The following CCSER1 variants were observed in gnomAD, a reference collection of about 807,000 sequenced individuals.
CCSER1 encodes the protein serine-rich coiled-coil domain-containing protein 1.
In CCSER1, 41 loss-of-function variants were observed where a neutral mutation model predicts 82.0. The ratio of observed to expected loss-of-function variants is 0.50; its 90% CI spans 0.39 to 0.65. The LOEUF (loss-of-function observed/expected upper bound fraction) is 0.65, where lower values mean the gene tolerates loss of function less well. Among genes scored for constraint, CCSER1 ranks in the 30% least tolerant of loss-of-function variants. The probability of loss-of-function intolerance (pLI) is 0.00; values close to 1 mark genes in which losing one functional copy is unlikely to be tolerated. For missense variants in CCSER1, 1,119 were observed against 1,064.2 expected (o/e 1.05, Z -0.72); for synonymous variants, 414 against 383.9 (o/e 1.08, Z -0.92).
intron 10 of CCSER1, among the ~76,000 whole-genome samples, chr4:91,278,500 G>C (rs2149197769): frequency 6.6e-6 from 1 of 152,084 alleles, no homozygotes; most frequent in Middle Eastern, 3.4e-3. Context: ...TGATCATTTT[G>C]GTTTCTGTTT....
At chr4:90,725,231 G>A (rs142421461) in intron 7 of CCSER1, among the ~76,000 whole-genome samples, 10 of 151,622 alleles carry the variant, frequency 6.6e-5, no homozygotes, top group Admixed American at 3.3e-4. Flanking sequence ...TCAAAACTTC[G>A]CCAGAAACCA....
intron 10 of CCSER1, among the ~76,000 whole-genome samples, chr4:91,136,202 A>G (rs1363995359): frequency 3.3e-5 from 5 of 152,156 alleles, no homozygotes; most frequent in Non-Finnish European, 7.3e-5. Context: ...GCTACACCAA[A>G]CATCTTGCAG....
intron 9 of CCSER1, among the ~76,000 whole-genome samples, chr4:90,933,688 AGTT>A (rs1057113740): frequency 3.0e-4 from 30 of 100,874 alleles, no homozygotes; most frequent in Non-Finnish European, 4.9e-4. Flanking sequence ...TACTTTTGGA[AGTT>A]TTTTTTTTTC....
intron 10 of CCSER1, among the ~76,000 whole-genome samples, chr4:91,559,887 G>A (rs532101522): frequency 3.1e-4 from 47 of 151,282 alleles, no homozygotes; most frequent in African/African-American, 1.1e-3. Context: ...GTTTTGGCCA[G>A]TGGGTGTCAT....
chr4:90,903,869 C>A (rs1725050895), intron 8 of CCSER1, among the ~76,000 whole-genome samples: 1 of 149,636 alleles, frequency 6.7e-6, no homozygotes, highest in Non-Finnish European at 1.5e-5. Context: ...GACAGGTAAA[C>A]ATAGTAACCA....
At chr4:91,551,100 A>G (rs1453411706) in intron 10 of CCSER1, among the ~76,000 whole-genome samples, 1 of 152,102 alleles carries the variant, frequency 6.6e-6, no homozygotes, top group Non-Finnish European at 1.5e-5. Context: ...GATTTTTGTT[A>G]CATTATTTTA....
At chr4:90,376,116 A>C (rs893658485) in intron 3 of CCSER1, among the ~76,000 whole-genome samples, 3 of 152,202 alleles carry the variant, frequency 2.0e-5, no homozygotes, top group African/African-American at 7.2e-5. Flanking sequence ...ATTGACCTTC[A>C]AGTGTTTAAG....
At chr4:90,207,996 C>G (rs947145696) in intron 1 of CCSER1, among the ~76,000 whole-genome samples, 2 of 152,208 alleles carry the variant, frequency 1.3e-5, no homozygotes, top group East Asian at 1.9e-4. Flanking sequence ...CTTTAGGAAG[C>G]AATCTGTCCC....
intron 10 of CCSER1, among the ~76,000 whole-genome samples, chr4:91,289,414 C>T (rs535992862): frequency 3.3e-5 from 5 of 152,044 alleles, no homozygotes; most frequent in African/African-American, 9.6e-5. Context: ...GAACTATTAA[C>T]AAGGGGAATT....
At chr4:91,582,989 T>C (rs1763804790) in intron 10 of CCSER1, among the ~76,000 whole-genome samples, 1 of 151,450 alleles carries the variant, frequency 6.6e-6, no homozygotes, top group Non-Finnish European at 1.5e-5. Flanking sequence ...TGCTCCAGAA[T>C]GACTAATCCC....
chr4:91,006,809 A>G (rs1186254689), intron 9 of CCSER1, among the ~76,000 whole-genome samples: 1 of 152,174 alleles, frequency 6.6e-6, no homozygotes, highest in Admixed American at 6.5e-5. Context: ...AGCTCTAGCT[A>G]TGACTTCCAG....
intron 10 of CCSER1, among the ~76,000 whole-genome samples, chr4:91,189,150 T>C (rs369485276): frequency 6.6e-6 from 1 of 152,252 alleles, no homozygotes; most frequent in East Asian, 1.9e-4. Context: ...ATTTTGGTAA[T>C]TTGCAGGTAA....
chr4:90,575,614 G>A (rs1367242258), intron 5 of CCSER1, among the ~76,000 whole-genome samples: 2 of 152,062 alleles, frequency 1.3e-5, no homozygotes, highest in Non-Finnish European at 2.9e-5. Flanking sequence ...TAAATGTACC[G>A]TCAATGTTAC....
rs147284180 is a variant in CCSER1 at position 91,241,947 on chromosome 4, TACAC to T, written c.2217+155959_2217+155962del. Among the ~76,000 whole-genome samples, 12 of 150,534 alleles carry T rather than the reference TACAC, an allele frequency of 8.0e-5. No homozygotes were observed. In the East Asian group the frequency reaches 1.4e-3, roughly 17 times the overall value. ...TATATATTTTTGTTTCTGCATATAT[TACAC>T]ACACAACTGTGTGCGTATATATATA... On this transcript the variant is annotated intron_variant, in intron 10 of 10. Transcript: ENST00000509176.
chr4:91,431,694 C>T (rs550477847), intron 10 of CCSER1, among the ~76,000 whole-genome samples: 1 of 152,180 alleles, frequency 6.6e-6, no homozygotes, highest in East Asian at 1.9e-4. Context: ...CTCAAACTCC[C>T]GACCTCAGGT....
chr4:90,275,453 A>T (rs1432826393), intron 1 of CCSER1, among the ~76,000 whole-genome samples: 1 of 152,188 alleles, frequency 6.6e-6, no homozygotes, highest in East Asian at 1.9e-4. Context: ...TCGTAAGCCT[A>T]ATTTATAAAA....
At chr4:91,538,187 T>G (rs534058634) in intron 10 of CCSER1, among the ~76,000 whole-genome samples, 1 of 152,172 alleles carries the variant, frequency 6.6e-6, no homozygotes, top group South Asian at 2.1e-4. Context: ...AACATTCGTA[T>G]GTATGAGGAA....
chr4:90,498,937 A>G (rs1331949438), intron 5 of CCSER1, among the ~76,000 whole-genome samples: 1 of 152,154 alleles, frequency 6.6e-6, no homozygotes, highest in Non-Finnish European at 1.5e-5. Context: ...TAAAACGTGA[A>G]CAGACTTTTT....
At chr4:90,708,184 A>G (rs1257308074) in intron 6 of CCSER1, among the ~76,000 whole-genome samples, 3 of 152,140 alleles carry the variant, frequency 2.0e-5, no homozygotes, top group African/African-American at 7.2e-5. Flanking sequence ...TTTCAGTCTC[A>G]CAAGACTATA....
Sources: allele counts gnomAD v4.1 joint callset (sites outside exome capture counted in the v4.1 genomes callset), GRCh38; gene constraint gnomAD v4.1.1; transcripts MANE v1.5; gene names NCBI Gene and HGNC (gene_info 2026-07-23, HGNC 2026-07-21).